Variants in GRIK2 observed in about 807,000 individuals in gnomAD.
GRIK2 encodes the protein glutamate receptor ionotropic, kainate 2.
In GRIK2, 32 loss-of-function variants were observed where a neutral mutation model predicts 100.3. The ratio of observed to expected loss-of-function variants is 0.32; its 90% CI spans 0.24 to 0.43. The LOEUF is 0.43. Among genes scored for constraint, GRIK2 ranks in the 20% least tolerant of loss-of-function variants. GRIK2 has a pLI of 1.00. For missense variants in GRIK2, 843 were observed against 1,114.9 expected (o/e 0.76, Z 3.47); for synonymous variants, 417 against 389.4 (o/e 1.07, Z -0.83).
chr6:101,467,676 G>A (rs1340259098), intron 2 of GRIK2, among the ~76,000 whole-genome samples: 3 of 152,064 alleles, frequency 2.0e-5, no homozygotes, highest in African/African-American at 7.2e-5. Flanking sequence ...TTTACACTCC[G>A]AGTGATTATA....
intron 2 of GRIK2, among the ~76,000 whole-genome samples, chr6:101,593,193 G>C (rs1694333497): frequency 6.6e-6 from 1 of 151,790 alleles, no homozygotes; most frequent in Non-Finnish European, 1.5e-5. Flanking sequence ...GAAGTAACTG[G>C]GGGCAGTAGA....
Position 101,918,334 on chromosome 6 carries a change from T to C in GRIK2, c.1749-6267T>C, listed in dbSNP as rs554815660. On this transcript the variant is annotated intron_variant, in intron 12 of 16. Coordinates refer to ENST00000369134, the MANE Select transcript of GRIK2 (RefSeq NM_021956.5). ...TCACTAATTGGCTTAAAATTATATA[T>C]GTTATAAAAATCATTTTTGTACTCT... Among the ~76,000 whole-genome samples, 3 of 151,894 alleles carry C rather than the reference T, an allele frequency of 2.0e-5. No homozygotes were observed. In the East Asian group the frequency reaches 5.8e-4, roughly 29 times the overall value.
At chr6:101,646,936 A>T (rs1781552278) in intron 4 of GRIK2, among the ~76,000 whole-genome samples, 1 of 152,074 alleles carries the variant, frequency 6.6e-6, no homozygotes, top group Non-Finnish European at 1.5e-5. Context: ...GGTAAACATA[A>T]TAATCATCAT....
At chr6:102,068,210 A>ATAAC (rs1772112350) in intron 16 of GRIK2, 137 bp from the exon 17 acceptor site, 4 of 610,654 alleles carry the variant, frequency 6.6e-6, no homozygotes, top group Non-Finnish European at 8.5e-6. Context: ...GACATTTGTT[A>ATAAC]TAACTTTTAC....
rs1362748441 is a variant in GRIK2 at position 101,892,921 on chromosome 6, A to G, written c.1748+3058A>G. Among the ~76,000 whole-genome samples, 3 of 150,484 alleles carry G rather than the reference A, an allele frequency of 2.0e-5. No individual in the cohort carries two copies. In the East Asian group the frequency reaches 5.8e-4, roughly 29 times the overall value. ...CAAAGTCTGAATATGGTCAATTTAA[A>G]TTTTAAATTCTGAACATCCAAAAAT... On this transcript the variant is annotated intron_variant, in intron 12 of 16. Transcript: ENST00000369134.
At chr6:101,573,257 C>T (rs182644633) in intron 2 of GRIK2, among the ~76,000 whole-genome samples, 75 of 152,174 alleles carry the variant, frequency 4.9e-4, no homozygotes, top group African/African-American at 1.7e-3. Flanking sequence ...AAACTTTGCT[C>T]GAATCATCTT....
chr6:101,790,929 G>T (rs1779803639), intron 7 of GRIK2, among the ~76,000 whole-genome samples: 1 of 152,086 alleles, frequency 6.6e-6, no homozygotes, highest in Non-Finnish European at 1.5e-5. Context: ...TCCTGGTTTA[G>T]TCTTGGGAGG....
chr6:101,590,002 T>C (rs1442431439), intron 2 of GRIK2, among the ~76,000 whole-genome samples: 1 of 152,120 alleles, frequency 6.6e-6, no homozygotes, highest in East Asian at 1.9e-4. Flanking sequence ...TTTTTGTCTT[T>C]GCTTTATACT....
At chr6:101,988,838 T>A (rs1326783606) in intron 14 of GRIK2, among the ~76,000 whole-genome samples, 1 of 151,936 alleles carries the variant, frequency 6.6e-6, no homozygotes, top group Non-Finnish European at 1.5e-5. Flanking sequence ...TCAAGATTTA[T>A]TTTTCAGTCC....
At chr6:101,465,038 T>C (rs1168337272) in intron 2 of GRIK2, among the ~76,000 whole-genome samples, 1 of 152,220 alleles carries the variant, frequency 6.6e-6, no homozygotes, top group Admixed American at 6.5e-5. Flanking sequence ...AAATGCAATA[T>C]GGCTAACAGG....
intron 14 of GRIK2, among the ~76,000 whole-genome samples, chr6:101,971,549 T>C (rs1793052896): frequency 6.6e-6 from 1 of 152,074 alleles, no homozygotes; most frequent in Non-Finnish European, 1.5e-5. Context: ...CTTATTTTTT[T>C]CTTTTATTTT....
At chr6:101,540,028 A>C (rs1775907639) in intron 2 of GRIK2, among the ~76,000 whole-genome samples, 1 of 151,766 alleles carries the variant, frequency 6.6e-6, no homozygotes. Context: ...CCAATAAAGT[A>C]ATATTTCTTG....
chr6:101,472,251 A>G (rs1771982463), intron 2 of GRIK2, among the ~76,000 whole-genome samples: 1 of 151,924 alleles, frequency 6.6e-6, no homozygotes, highest in Non-Finnish European at 1.5e-5. Context: ...TTCCATGCCA[A>G]AAATATTGCA....
intron 14 of GRIK2, among the ~76,000 whole-genome samples, chr6:102,029,599 T>C (rs904775204): frequency 1.3e-5 from 2 of 151,276 alleles, no homozygotes; most frequent in African/African-American, 4.8e-5. Context: ...TAAATCTAGC[T>C]AAGTCTTCTT....
intron 12 of GRIK2, among the ~76,000 whole-genome samples, chr6:101,909,704 GTA>G (rs1562481287): frequency 1.4e-5 from 2 of 142,654 alleles, no homozygotes; most frequent in African/African-American, 5.2e-5. Context: ...AATAATGTGT[GTA>G]TGTGTGTAAG....
intron 2 of GRIK2, among the ~76,000 whole-genome samples, chr6:101,592,496 G>A (rs920617961): frequency 1.6e-4 from 24 of 149,892 alleles, no homozygotes; most frequent in Admixed American, 6.1e-4. Context: ...TTCCTGGGAA[G>A]ACCAGCTGAC....
chr6:101,825,081 A>G (rs1439892965), intron 10 of GRIK2, among the ~76,000 whole-genome samples: 1 of 152,204 alleles, frequency 6.6e-6, no homozygotes, highest in Non-Finnish European at 1.5e-5. Context: ...AGAGAGTTGC[A>G]TAGCATTTGG....
intron 10 of GRIK2, among the ~76,000 whole-genome samples, chr6:101,831,841 C>T (rs940830407): frequency 2.6e-5 from 4 of 152,022 alleles, no homozygotes; most frequent in Admixed American, 6.6e-5. Flanking sequence ...TGACCCCTTT[C>T]CAATTTTGAG....
intron 7 of GRIK2, among the ~76,000 whole-genome samples, chr6:101,719,679 A>G (rs1043317318): frequency 6.6e-5 from 10 of 152,112 alleles, no homozygotes; most frequent in Non-Finnish European, 1.2e-4. Context: ...CATTATATGA[A>G]TAGCTGTGCT....
Sources: gnomAD v4.1 joint callset for allele counts (sites outside exome capture counted in the v4.1 genomes callset) on GRCh38, gnomAD v4.1.1 for gene constraint, MANE v1.5 for transcripts, NCBI Gene and HGNC (gene_info 2026-07-23, HGNC 2026-07-21) for gene names.